The following ATAD5 variants were observed in gnomAD, a reference collection of about 807,000 sequenced individuals.
ATAD5 encodes ATPase family AAA domain containing 5, also known as ATPase family AAA domain-containing protein 5.
Under a neutral mutation model 176.9 loss-of-function variants are expected in ATAD5, and 58 were observed. The observed-to-expected ratio is 0.33, with a 90% CI of 0.27 to 0.41. The LOEUF (loss-of-function observed/expected upper bound fraction) is 0.41. Among genes scored for constraint, ATAD5 ranks in the 10% least tolerant of loss-of-function variants. The pLI is 1.00. For missense variants in ATAD5, 1,789 were observed against 2,094.1 expected, an observed-to-expected ratio of 0.85 and a Z score of 2.84; for synonymous variants, 640 against 712.6, an observed-to-expected ratio of 0.90 and a Z score of 1.62.
intron 6 of ATAD5, among the ~76,000 whole-genome samples, chr17:30,851,183 C>T (rs1302414417): frequency 3.4e-5 from 5 of 147,890 alleles, no homozygotes; most frequent in Admixed American, 6.7e-5. Flanking sequence ...GCCACCGTGC[C>T]GGTCTCTAAA....
intron 1 of ATAD5, among the ~76,000 whole-genome samples, chr17:30,833,311 A>G (rs1414353535): frequency 6.6e-6 from 1 of 152,114 alleles, no homozygotes; most frequent in African/African-American, 2.4e-5. Context: ...CTGTTTTATC[A>G]ATCTTTCCGT....
intron 10 of ATAD5, among the ~76,000 whole-genome samples, chr17:30,862,205 G>A (rs907265368): frequency 1.3e-5 from 2 of 150,746 alleles, no homozygotes; most frequent in African/African-American, 4.9e-5. Context: ...GTGGTGGTGC[G>A]TGCCTGTAAT....
At chr17:30,850,713 A>G (rs1038500507) in intron 6 of ATAD5, among the ~76,000 whole-genome samples, 7 of 150,764 alleles carry the variant, frequency 4.6e-5, no homozygotes, top group Non-Finnish European at 2.9e-5. Flanking sequence ...CAATTAGGAA[A>G]GAAGAATATA....
rs117737866 is a variant in ATAD5 at position 30,883,387 on chromosome 17, G to C, written c.4078-3805G>C. On this transcript the variant is annotated intron_variant, in intron 18 of 22. Coordinates refer to ENST00000321990, the MANE Select transcript of ATAD5 (RefSeq NM_024857.5). ...AGTAATACTCCTGCCTCAGCCTCCC[G>C]AAGTGCTGGTATTACATGCGTGAGC... 1.0e-3 allele frequency among the ~76,000 whole-genome samples: 152 copies of C among 151,930 alleles called. No individual in the cohort carries two copies. In the East Asian group the frequency reaches 0.026, roughly 26 times the overall value.
At chr17:30,842,338 C>T (rs1418848659) in intron 4 of ATAD5, among the ~76,000 whole-genome samples, 1 of 151,896 alleles carries the variant, frequency 6.6e-6, no homozygotes, top group Non-Finnish European at 1.5e-5. Flanking sequence ...GAATACTGTG[C>T]TTGCTGATGC....
rs189654934 is a variant in ATAD5 at position 30,889,945 on chromosome 17, A to T, written c.4258+2573A>T. On this transcript the variant is annotated intron_variant, in intron 19 of 22. Coordinates refer to ENST00000321990, the MANE Select transcript of ATAD5 (RefSeq NM_024857.5). ...CATTCTGTTGCCCAGGCTGGAGTGCAGTGGCAGTGCAGCATGGCTCACTCC... is the reference window on the plus strand; with the variant it reads ...CATTCTGTTGCCCAGGCTGGAGTGCTGTGGCAGTGCAGCATGGCTCACTCC... 3.1e-5 allele frequency among the ~76,000 whole-genome samples: 4 copies of T among 127,804 alleles called. No individual in the cohort carries two copies. The East Asian group carries it at 8.8e-4, about 28-fold the overall frequency. 83.8% of individuals were successfully genotyped at this position (127,804 alleles called of 152,430 possible).
chr17:30,884,636 C>G (rs904083153), intron 18 of ATAD5, among the ~76,000 whole-genome samples: 1 of 150,752 alleles, frequency 6.6e-6, no homozygotes, highest in Non-Finnish European at 1.5e-5. Flanking sequence ...ACCATGTTGG[C>G]CAGGCTTGTC....
At chr17:30,844,088 TTTTTG>T (rs758171029) in intron 5 of ATAD5, 49 bp downstream of exon 5, 8 of 1,341,984 alleles carry the variant, frequency 6.0e-6, no homozygotes, top group South Asian at 1.9e-5. Flanking sequence ...TGTTTTGGGG[TTTTTG>T]TTTTGTTTTG....
chr17:30,888,776 AAC>A, intron 19 of ATAD5, among the ~76,000 whole-genome samples: 1 of 152,212 alleles, frequency 6.6e-6, no homozygotes, highest in South Asian at 2.1e-4. Context: ...ATTTTAAAAA[AAC>A]ACACACAGGC....
rs1220753564 is a variant in ATAD5 at position 30,893,506 on chromosome 17, C to T, written c.4653C>T (p.His1551=). 1 of 1,612,726 alleles carries T rather than the reference C, an allele frequency of 6.2e-7. No homozygotes were observed. The highest frequency in any genetic ancestry group is 8.5e-7 in the Non-Finnish European group (1 of 1,179,632). ...TKSMNCLARK[H]SEREQPLKKS... ...GTATGAATTGTCTTGCTAGGAAACA[C>T]TCTGAAAGAGAACAGCCATTGAAAA... Residue 1551 remains histidine (H), a synonymous_variant, in exon 21 of 23, where the codon CAC becomes CAT. Transcript: ENST00000321990.
In ATAD5 at chr17:30,893,830, A is replaced by C. The variant is rs771535296; in HGVS notation, c.4977A>C (p.Leu1659Phe). The C allele has an allele frequency of 6.2e-7, 1 of 1,614,000 alleles. No homozygotes were observed. Among genetic ancestry groups the C allele is most frequent in the Middle Eastern group, 1.7e-4 (1 of 6,060 alleles). ...LSEFMDNMSFLDALLTDVREQ... is the reference protein window; with the variant it reads ...LSEFMDNMSFFDALLTDVREQ... ...AGTTCATGGATAACATGTCCTTCTT[A>C]GATGCACTTTTAACTGATGTAAGGG... The change falls in exon 21 of 23, where the codon TTA becomes TTC. Residue 1659 changes from leucine (L) to phenylalanine (F), a missense_variant. Physicochemically the swap from Leu to Phe is conservative, Grantham distance 22 (BLOSUM62 0). This residue lies in a region of ATAD5 where 403 missense variants were observed against 495.1 expected (regional missense o/e 0.81). Transcript: ENST00000321990.
At chr17:30,893,011 C>T (rs1909719228) in intron 20 of ATAD5, among the ~76,000 whole-genome samples, 1 of 152,108 alleles carries the variant, frequency 6.6e-6, no homozygotes. Flanking sequence ...GAAAATTTTT[C>T]AGATAGACTA....
intron 13 of ATAD5, 38 bp from the exon 14 acceptor site, chr17:30,869,458 C>A: frequency 2.5e-6 from 4 of 1,609,020 alleles, no homozygotes; most frequent in Non-Finnish European, 3.4e-6. Context: ...GAAACATAAA[C>A]CATTCTCCCT....
chr17:30,890,361 A>T lies in ATAD5; in HGVS notation c.4259-2246A>T, dbSNP rs149010403. 1.2e-4 allele frequency among the ~76,000 whole-genome samples: 19 copies of T among 152,184 alleles called. No individual in the cohort carries two copies. The East Asian group carries it at 2.5e-3, about 20-fold the overall frequency. The stretch of plus-strand genomic sequence containing the variant: ...CCACTAGATATAAATTGTTACAGCA[A>T]GAAACTTTAGAAGACACAAAATAAC... On this transcript the variant is annotated intron_variant, in intron 19 of 22. Transcript: ENST00000321990.
chr17:30,887,415 T>G, intron 19 of ATAD5, 43 bp downstream of exon 19: 26 of 1,488,102 alleles, frequency 1.7e-5, no homozygotes, highest in Non-Finnish European at 2.3e-5. Flanking sequence ...TATGGGACCC[T>G]ATTTAAAAAT....
chr17:30,883,576 C>T (rs796609061), intron 18 of ATAD5, among the ~76,000 whole-genome samples: 35 of 152,068 alleles, frequency 2.3e-4, no homozygotes, highest in African/African-American at 7.7e-4. Context: ...GATGGAGTCT[C>T]GCTCTGTTGC....
At position 30,836,038 on chromosome 17, in the gene ATAD5, A is replaced by C. The variant is rs772308722; in HGVS notation, c.1957A>C (p.Ser653Arg). 1 of 1,594,116 alleles carries C rather than the reference A, an allele frequency of 6.3e-7. No individual in the cohort carries two copies. Among genetic ancestry groups the C allele is most frequent in the Non-Finnish European group, 8.5e-7 (1 of 1,172,606 alleles). Residue 653 changes from serine to arginine, a missense_variant, in exon 2 of 23, where the codon AGC (serine) becomes CGC (arginine). By Grantham distance (110) the Ser-to-Arg change is moderately radical. This residue lies in a region of ATAD5 where 487 missense variants were observed against 573.6 expected (regional missense o/e 0.85). Transcript: ENST00000321990. ...AATAACAGTACCCTTTGATTCAGAG[A>C]GCCCTATTAGGTAAGGTTTGTTTTT... ...ELITVPFDSESPIRMKFTRIS... is the reference protein window; with the variant it reads ...ELITVPFDSERPIRMKFTRIS...
In ATAD5 at chr17:30,894,087, T is replaced by A. The variant is rs1909787648; in HGVS notation, c.5234T>A (p.Leu1745His). 1.2e-6 allele frequency: 2 copies of A among 1,604,018 alleles called. No homozygotes were observed. Among genetic ancestry groups the A allele is most frequent in the Admixed American group, 3.4e-5 (2 of 59,054 alleles). Residue 1745 changes from leucine (L) to histidine (H), a missense_variant, in exon 21 of 23, where the codon CTT becomes CAT. By Grantham distance (99) the Leu-to-His change is moderately conservative (BLOSUM62 -3). Coordinates refer to ENST00000321990, the MANE Select transcript of ATAD5 (RefSeq NM_024857.5). ...TTAGGAAGAGATCCAACCAACGATC[T>A]TACTTTTTATGTTTCACAAAAGCGC... is the stretch of plus-strand genomic sequence containing the variant. ...KKLGRDPTND[L>H]TFYVSQKRNN... is the part of the protein sequence containing the mutation.
chr17:30,883,681 G>C (rs1286253512), intron 18 of ATAD5, among the ~76,000 whole-genome samples: 2 of 152,030 alleles, frequency 1.3e-5, no homozygotes, highest in African/African-American at 4.8e-5. Context: ...CGAGTAGCTG[G>C]GACTACAGGC....
Sources: gnomAD v4.1 joint callset for allele counts (sites outside exome capture counted in the v4.1 genomes callset) on GRCh38, gnomAD v4.1.1 for gene constraint, gnomAD v4.1.1 regional missense constraint, MANE v1.5 for transcripts, NCBI Gene and HGNC (gene_info 2026-07-23, HGNC 2026-07-21) for gene names.